LARP4: variants seen among roughly 807,000 people sequenced by gnomAD.
LARP4 encodes La ribonucleoprotein 4.
LARP4 carries 29 observed loss-of-function variants against 92.9 expected under a neutral mutation model. The observed-to-expected ratio is 0.31, with a 90% confidence interval of 0.23 to 0.43. The LOEUF is 0.43. Among genes scored for constraint, LARP4 ranks in the 20% least tolerant of loss-of-function variants. The pLI is 1.00. For missense variants in LARP4, 732 were observed against 860.0 expected, an observed-to-expected ratio of 0.85 and a Z score of 1.86; for synonymous variants, 279 against 284.1, an observed-to-expected ratio of 0.98 and a Z score of 0.18.
At chr12:50,406,453 C>T (rs1400164100) in intron 1 of LARP4, among the ~76,000 whole-genome samples, 1 of 152,054 alleles carries the variant, frequency 6.6e-6, no homozygotes, top group Non-Finnish European at 1.5e-5. Flanking sequence ...TGCACTCCAG[C>T]CTGGATGACA....
intron 1 of LARP4, among the ~76,000 whole-genome samples, chr12:50,404,430 C>T (rs1944415415): frequency 6.6e-6 from 1 of 152,050 alleles, no homozygotes; most frequent in South Asian, 2.1e-4. Flanking sequence ...TGGCATGTAC[C>T]TGTAGTCCCA....
intron 1 of LARP4, among the ~76,000 whole-genome samples, chr12:50,412,883 T>C (rs1331367178): frequency 6.6e-6 from 1 of 152,156 alleles, no homozygotes; most frequent in Non-Finnish European, 1.5e-5. Flanking sequence ...CCTGTGGAAG[T>C]GATCAAGATT....
At chr12:50,428,280 G>A (rs563427211) in intron 2 of LARP4, among the ~76,000 whole-genome samples, 8 of 152,036 alleles carry the variant, frequency 5.3e-5, no homozygotes, top group African/African-American at 1.7e-4. Flanking sequence ...CACCAGCCTC[G>A]GCCTCCCAAA....
chr12:50,468,294 C>CT (rs11401895), intron 13 of LARP4, among the ~76,000 whole-genome samples: 106,399 of 148,958 alleles, frequency 0.71, 43,640 homozygotes, highest in Non-Finnish European at 0.93. Context: ...TTCTAATTAA[C>CT]TTTTTTTTTC....
chr12:50,403,063 CAGTG>C (rs902488183), intron 1 of LARP4, among the ~76,000 whole-genome samples: 3 of 152,170 alleles, frequency 2.0e-5, no homozygotes, highest in African/African-American at 7.2e-5. Flanking sequence ...GAATTATTCT[CAGTG>C]AGAGAACCAA....
At chr12:50,439,265 A>G (rs748394309) in intron 6 of LARP4, among the ~76,000 whole-genome samples, 13 of 152,158 alleles carry the variant, frequency 8.5e-5, no homozygotes, top group Admixed American at 2.6e-4. Flanking sequence ...GGTTATTACA[A>G]TTCATATTCT....
chr12:50,444,020 A>G (rs986694097), intron 8 of LARP4, among the ~76,000 whole-genome samples: 2 of 152,158 alleles, frequency 1.3e-5, no homozygotes, highest in African/African-American at 2.4e-5. Flanking sequence ...TTCTTAGATC[A>G]TTACATTTTC....
At chr12:50,423,855 G>A (rs1240290844) in intron 1 of LARP4, among the ~76,000 whole-genome samples, 2 of 151,512 alleles carry the variant, frequency 1.3e-5, no homozygotes, top group Non-Finnish European at 2.9e-5. Flanking sequence ...GGGTTCAAGC[G>A]ATTCTCCTGC....
At chr12:50,421,638 AT>A (rs1377966108) in intron 1 of LARP4, among the ~76,000 whole-genome samples, 9 of 146,506 alleles carry the variant, frequency 6.1e-5, no homozygotes, top group Non-Finnish European at 7.4e-5. Context: ...GCAAGACTTC[AT>A]CACAAAATAA....
chr12:50,441,796 C>T (rs571762055), intron 8 of LARP4, among the ~76,000 whole-genome samples, 153 bp downstream of exon 8: 6 of 152,250 alleles, frequency 3.9e-5, no homozygotes, highest in African/African-American at 1.4e-4. Flanking sequence ...CACCTGTGAT[C>T]CCAGCACTTT....
At position 50,475,628 on chromosome 12, in the gene LARP4, T is replaced by G. The variant is rs765205260; in HGVS notation, c.1939T>G (p.Ser647Ala). 3.7e-6 allele frequency: 6 copies of G among 1,613,928 alleles called. No individual in the cohort carries two copies. Among genetic ancestry groups the G allele is most frequent in the Non-Finnish European group, 5.1e-6 (6 of 1,180,020 alleles). ...PLRELRSNVV[S>A]PTKNEDNGAP... Reference sequence around the variant, plus strand: ...ACGGGAACTTCGCTCCAATGTGGTGTCTCCCACCAAAAATGAAGACAATGG... The same window carrying G: ...ACGGGAACTTCGCTCCAATGTGGTGGCTCCCACCAAAAATGAAGACAATGG... Residue 647 changes from serine to alanine, a missense_variant, in exon 16 of 16, where the codon TCT (serine) becomes GCT (alanine). Around this residue, in one of 7 missense-constraint regions of LARP4, gnomAD observed 115 missense variants for 129.1 expected, o/e 0.89. Transcript: ENST00000398473.
At chr12:50,424,475 C>T (rs1362683194) in intron 1 of LARP4, among the ~76,000 whole-genome samples, 2 of 151,934 alleles carry the variant, frequency 1.3e-5, no homozygotes, top group Non-Finnish European at 2.9e-5. Flanking sequence ...TCTCTTGCCT[C>T]AGCCTCCCCA....
At chr12:50,423,742 C>T (rs560822141) in intron 1 of LARP4, among the ~76,000 whole-genome samples, 12 of 151,074 alleles carry the variant, frequency 7.9e-5, no homozygotes, top group African/African-American at 1.2e-4. Context: ...CCATCGTCCC[C>T]GGCCTGTAAT....
chr12:50,424,882 C>G (rs1160700775), intron 1 of LARP4, among the ~76,000 whole-genome samples: 3 of 152,022 alleles, frequency 2.0e-5, no homozygotes, highest in East Asian at 3.9e-4. Context: ...TGCAGTGGCT[C>G]ACTCCTGTAA....
At chr12:50,411,708 T>G (rs1945930172) in intron 1 of LARP4, among the ~76,000 whole-genome samples, 2 of 151,712 alleles carry the variant, frequency 1.3e-5, no homozygotes, top group Admixed American at 1.3e-4. Flanking sequence ...TGAGATGGAG[T>G]CTCGCTCTGT....
Position 50,466,958 on chromosome 12 carries a change from G to C in LARP4, c.1384-1G>C. 6.2e-7 allele frequency: 1 copy of C among 1,604,848 alleles called. No individual in the cohort carries two copies. The highest frequency in any genetic ancestry group is 8.5e-7 in the Non-Finnish European group (1 of 1,173,424). ...CCTGTTTTATTATTTGTTCATTTTA[G>C]AGACCTCATCCTTCAACAGCTGAAT... On this transcript the variant is annotated splice_acceptor_variant, in intron 12 of 15. Coordinates refer to ENST00000398473, the MANE Select transcript of LARP4 (RefSeq NM_052879.5). LOFTEE classifies it high-confidence loss of function.
At chr12:50,415,155 A>G (rs1278493002) in intron 1 of LARP4, among the ~76,000 whole-genome samples, 1 of 152,170 alleles carries the variant, frequency 6.6e-6, no homozygotes, top group Non-Finnish European at 1.5e-5. Flanking sequence ...GTGAGCCGAG[A>G]TCGTGCCATT....
Position 50,453,679 on chromosome 12 carries a change from G to A in LARP4, c.1017+7G>A. The A allele has an allele frequency of 6.6e-7, 1 of 1,522,736 alleles. No homozygotes were observed. The highest frequency in any genetic ancestry group is 9.1e-7 in the Non-Finnish European group (1 of 1,104,462). 94.3% of individuals were successfully genotyped at this position (1,522,736 alleles called of 1,614,324 possible). A position where few individuals can be genotyped will look rare whatever the true frequency, so the allele number is the denominator to read the frequency against. ...TTACTTTGAAACACCACTGGTAAGT[G>A]AGATCCTTACAATAAAATATAATAA... On this transcript the variant is annotated splice_region_variant and intron_variant, in intron 9 of 15. Transcript: ENST00000398473.
At chr12:50,447,700 T>G (rs1347753167) in intron 8 of LARP4, among the ~76,000 whole-genome samples, 9 of 151,500 alleles carry the variant, frequency 5.9e-5, no homozygotes, top group Admixed American at 5.9e-4. Flanking sequence ...GCCTTCAGAG[T>G]AGCTAATTAT....
Sources: gnomAD v4.1 joint callset for allele counts (sites outside exome capture counted in the v4.1 genomes callset) on GRCh38, gnomAD v4.1.1 for gene constraint, gnomAD v4.1.1 regional missense constraint, MANE v1.5 for transcripts, NCBI Gene and HGNC (gene_info 2026-07-23, HGNC 2026-07-21) for gene names.